Variants in RPS4X observed in about 807,000 individuals in gnomAD.
RPS4X encodes ribosomal protein S4 X-linked.
For missense variants in RPS4X, 90 were observed against 219.1 expected, an observed-to-expected ratio of 0.41 and a Z score of 3.72; for synonymous variants, 76 against 76.8, an observed-to-expected ratio of 0.99 and a Z score of 0.06.
rs1382258367 is a variant in RPS4X, at chrX:72,275,860, TAA to T, written c.82-138_82-137del. 5.6e-6 allele frequency: 3 copies of T among 533,734 alleles called. No homozygotes were observed. The Admixed American group carries it at 1.2e-4, about 21-fold the overall frequency. The allele number at this position is 533,734 out of a possible 1,213,427, so 44.0% of individuals were successfully genotyped here. ...AACTTGGACTTTTACACAGGAGGTG[TAA>T]AAAGCATCCAAAACTATTTCATACC... On this transcript the variant is annotated intron_variant, in intron 2 of 6. Coordinates refer to ENST00000316084, the MANE Select transcript of RPS4X (RefSeq NM_001007.5).
intron 2 of RPS4X, 151 bp downstream of exon 2, chrX:72,276,006 C>T (rs751242055): frequency 3.2e-5 from 16 of 503,008 alleles, no homozygotes; most frequent in Non-Finnish European, 5.5e-5. Flanking sequence ...AATATTAAAT[C>T]GATTGGAAGT....
At chrX:72,275,439 C>G (rs1225173475) in intron 3 of RPS4X, 105 bp downstream of exon 3, 2 of 647,883 alleles carry the variant, frequency 3.1e-6, no homozygotes, top group Non-Finnish European at 4.8e-6. Context: ...GGCTTTGTTT[C>G]TGAGACTTGA....
At chrX:72,276,069 G>C (rs2043201942) in intron 2 of RPS4X, 88 bp downstream of exon 2, 1 of 724,990 alleles carries the variant, frequency 1.4e-6, no homozygotes, top group Non-Finnish European at 2.1e-6. Flanking sequence ...GCCAAGAATA[G>C]ATATTCCTCC....
Position 72,272,592 on chromosome X carries a change from C to T in RPS4X, c.*79G>A. ...CTGAATTAAAAAAAAAAACAACCCA[C>T]AAAACCAAAATGCTATTAATCCTGC... On this transcript the variant is annotated 3_prime_UTR_variant, in exon 7 of 7. Coordinates refer to ENST00000316084, the MANE Select transcript of RPS4X (RefSeq NM_001007.5). 1 of 697,337 alleles carries T rather than the reference C, an allele frequency of 1.4e-6. No homozygotes were observed. Among genetic ancestry groups the T allele is most frequent in the South Asian group, 2.8e-5 (1 of 36,164 alleles). 57.5% of individuals were successfully genotyped at this position (697,337 alleles called of 1,213,427 possible).
intron 6 of RPS4X, 126 bp downstream of exon 6, chrX:72,273,106 T>C: frequency 3.2e-6 from 2 of 618,867 alleles, no homozygotes; most frequent in South Asian, 2.9e-5. Context: ...TCTGCGTGAG[T>C]CCTATCCAGA....
chrX:72,273,134 T>C, intron 6 of RPS4X, 98 bp downstream of exon 6: 1 of 864,202 alleles, frequency 1.2e-6, no homozygotes, highest in Admixed American at 2.8e-5. Flanking sequence ...TTGCACTAGG[T>C]TCAGCAGAGC....
intron 6 of RPS4X, 91 bp downstream of exon 6, chrX:72,273,141 G>C: frequency 1.1e-6 from 1 of 914,765 alleles, no homozygotes; most frequent in South Asian, 2.3e-5. Context: ...AGGTTCAGCA[G>C]AGCCAGCCAG....
chrX:72,274,666 A>G lies in RPS4X; in HGVS notation c.360+387T>C, dbSNP rs2043194802. On this transcript the variant is annotated intron_variant, in intron 4 of 6. Coordinates refer to ENST00000316084, the MANE Select transcript of RPS4X (RefSeq NM_001007.5). Reference sequence around the variant, plus strand: ...TAAAGCTACTCCCACAAATGGAGACATGGCAAAGGGCTCCTACGTCAGGTA... The same window carrying G: ...TAAAGCTACTCCCACAAATGGAGACGTGGCAAAGGGCTCCTACGTCAGGTA... The G allele has an allele frequency of 9.1e-5, 22 of 240,818 alleles. No individual in the cohort carries two copies. The South Asian group carries it at 1.2e-3, about 13-fold the overall frequency. 19.8% of individuals were successfully genotyped at this position (240,818 alleles called of 1,213,427 possible). A position where few individuals can be genotyped will look rare whatever the true frequency, so the allele number is the denominator to read the frequency against.
At position 72,273,788 on chromosome X, in the gene RPS4X, A is replaced by G; in HGVS notation, c.532+13T>C. On this transcript the variant is annotated intron_variant, in intron 5 of 6. Coordinates refer to ENST00000316084, the MANE Select transcript of RPS4X (RefSeq NM_001007.5). Reference sequence around the variant, plus strand: ...CTTAAAGAGGGTGCCCAGGTAGCACAGAGGATGCTTACCAGTGTCGAACTT... The same window carrying G: ...CTTAAAGAGGGTGCCCAGGTAGCACGGAGGATGCTTACCAGTGTCGAACTT... 1 of 1,201,718 alleles carries G rather than the reference A, an allele frequency of 8.3e-7. No homozygotes were observed. The highest frequency in any genetic ancestry group is 1.1e-6 in the Non-Finnish European group (1 of 886,828).
rs367793684 is a variant in RPS4X at position 72,277,219 on chromosome X, G to A, written c.-24C>T. The A allele has an allele frequency of 1.5e-4, 177 of 1,207,910 alleles. No homozygotes were observed. The highest frequency in any genetic ancestry group is 1.9e-4 in the Non-Finnish European group (167 of 893,602). ...ATGGCTGCGTTAGGCAAGGAAAGAG[G>A]ACCTCCGTCTTCCGGTGCGCGTAGA... On this transcript the variant is annotated 5_prime_UTR_variant, in exon 1 of 7. Coordinates refer to ENST00000316084, the MANE Select transcript of RPS4X (RefSeq NM_001007.5).
intron 1 of RPS4X, 25 bp downstream of exon 1, chrX:72,277,168 A>G (rs1380766614): frequency 1.7e-6 from 2 of 1,209,112 alleles, no homozygotes; most frequent in Non-Finnish European, 2.2e-6. Flanking sequence ...ATACGTCCTA[A>G]GAGCTCGCTA....
rs1569494438 is a variant in RPS4X, at chrX:72,276,229, A to G, written c.9T>C (p.Arg3=). 8.3e-7 allele frequency: 1 copy of G among 1,207,697 alleles called. No homozygotes were observed. Among genetic ancestry groups the G allele is most frequent in the East Asian group, 3.0e-5 (1 of 33,846 alleles). ...CCCGCTTCAGATGCTTCTTGGGACC[A>G]CGAGCCTGAAAGTTTTAGATTGCAA... MA[R]GPKKHLKRVA... is the part of the protein sequence containing the mutation. The change falls in exon 2 of 7, where the codon CGT becomes CGC. Residue 3 remains arginine (R), a synonymous_variant. Transcript: ENST00000316084.
At position 72,275,091 on chromosome X, in the gene RPS4X, G is replaced by A; in HGVS notation, c.322C>T (p.Arg108Cys). The A allele has an allele frequency of 1.7e-6, 2 of 1,208,875 alleles. No homozygotes were observed. The highest frequency in any genetic ancestry group is 1.1e-6 in the Non-Finnish European group (1 of 893,453). The change falls in exon 4 of 7, where the codon CGC becomes TGC. Residue 108 changes from arginine (R) to cysteine (C), a missense_variant. Coordinates refer to ENST00000316084, the MANE Select transcript of RPS4X (RefSeq NM_001007.5). ...NFRLIYDTKG[R>C]FAVHRITPEE... ...GGTGTAATACGATGTACAGCAAAGC[G>A]ACCCTTGGTGTCATAGATCAGACGG...
rs2043194309 is a variant in RPS4X at position 72,274,581 on chromosome X, C to T, written c.360+472G>A. Reference sequence around the variant, plus strand: ...CAAAGACTGTAATCTTTTTTTAAACCTCAAACTAGTGCCTCAAGGACTGTC... The same window carrying T: ...CAAAGACTGTAATCTTTTTTTAAACTTCAAACTAGTGCCTCAAGGACTGTC... On this transcript the variant is annotated intron_variant, in intron 4 of 6. Coordinates refer to ENST00000316084, the MANE Select transcript of RPS4X (RefSeq NM_001007.5). 5 of 289,717 alleles carry T rather than the reference C, an allele frequency of 1.7e-5. No homozygotes were observed. In the Admixed American group the frequency reaches 2.0e-4, roughly 12 times the overall value. 23.9% of individuals were successfully genotyped at this position (289,717 alleles called of 1,213,427 possible). A position where few individuals can be genotyped will look rare whatever the true frequency, so the allele number is the denominator to read the frequency against.
At chrX:72,272,822 G>A (rs2043186178) in intron 6 of RPS4X, 50 bp from the exon 7 acceptor site, 3 of 899,934 alleles carry the variant, frequency 3.3e-6, no homozygotes, top group Non-Finnish European at 3.2e-6. Context: ...CCAACTCATA[G>A]TGGCTTGGCA....
rs183148497 is a variant in RPS4X at position 72,274,783 on chromosome X, A to C, written c.360+270T>G. 60 of 295,032 alleles carry C rather than the reference A, an allele frequency of 2.0e-4. 1 individual carries two copies. In the East Asian group the frequency reaches 3.5e-3, roughly 17 times the overall value. The allele number at this position is 295,032 out of a possible 1,213,427, so 24.3% of individuals were successfully genotyped here. A position where few individuals can be genotyped will look rare whatever the true frequency, so the allele number is the denominator to read the frequency against. On this transcript the variant is annotated intron_variant, in intron 4 of 6. Transcript: ENST00000316084. ...AACTGGAATTCATTTCTACCACAAA[A>C]AAAGAAAATCTGCTGAGGAAGTTAA... is the stretch of plus-strand genomic sequence containing the variant.
chrX:72,275,710 G>T lies in RPS4X; in HGVS notation c.96C>A (p.Ser32=). 4 of 1,197,804 alleles carry T rather than the reference G, an allele frequency of 3.3e-6. No individual in the cohort carries two copies. Among genetic ancestry groups the T allele is most frequent in the Non-Finnish European group, 4.5e-6 (4 of 886,898 alleles). The change falls in exon 3 of 7, where the codon TCC becomes TCA. Residue 32 remains serine, a synonymous_variant. Transcript: ENST00000316084. ...ACTCTCTCAACTTGTGGGGACCGGTGGATGGACGAGGAGCCTGTAACGTTA... is the reference window on the plus strand; with the variant it reads ...ACTCTCTCAACTTGTGGGGACCGGTTGATGGACGAGGAGCCTGTAACGTTA... ...KLTGVFAPRP[S]TGPHKLRECL... is the part of the protein sequence containing the mutation.
Position 72,273,899 on chromosome X carries a change from C to T in RPS4X, c.434G>A (p.Arg145His), listed in dbSNP as rs746603025. 5 of 1,207,567 alleles carry T rather than the reference C, an allele frequency of 4.1e-6. No homozygotes were observed. The highest frequency in any genetic ancestry group is 1.8e-5 in the South Asian group (1 of 56,744). ...GIPHLVTHDA[R>H]TIRYPDPLIK... ...GAGGGGATCGGGGTAGCGGATGGTGCGGGCATCATGAGTCACCAGATGAGG... is the reference window on the plus strand; with the variant it reads ...GAGGGGATCGGGGTAGCGGATGGTGTGGGCATCATGAGTCACCAGATGAGG... The change falls in exon 5 of 7, where the codon CGC becomes CAC. Residue 145 changes from arginine (R) to histidine (H), a missense_variant. By Grantham distance (29) the Arg-to-His change is conservative. Transcript: ENST00000316084.
Position 72,273,874 on chromosome X carries a change from G to A in RPS4X, c.459C>T (p.Leu153=). The change falls in exon 5 of 7, where the codon CTC becomes CTT. Residue 153 remains leucine, a synonymous_variant. Transcript: ENST00000316084. ...TCTGAATGGTATCATTCACCTTGAT[G>A]AGGGGATCGGGGTAGCGGATGGTGC... ...DARTIRYPDP[L]IKVNDTIQID... 8.3e-7 allele frequency: 1 copy of A among 1,204,061 alleles called. No individual in the cohort carries two copies. Among genetic ancestry groups the A allele is most frequent in the Non-Finnish European group, 1.1e-6 (1 of 888,765 alleles).
Sources: allele counts gnomAD v4.1 joint callset, GRCh38; gene constraint gnomAD v4.1.1; transcripts MANE v1.5; gene names NCBI Gene and HGNC (gene_info 2026-07-23, HGNC 2026-07-21).